NEBL: variants seen among roughly 807,000 people sequenced by gnomAD.
NEBL encodes LIM and SH3 protein 2.
A neutral mutation model predicts 140.2 loss-of-function variants in NEBL; 122 were observed. The observed-to-expected ratio is 0.87, with a 90% confidence interval of 0.75 to 1.01. NEBL has a LOEUF of 1.01. Among genes scored for constraint, NEBL ranks in the 50% least tolerant of loss-of-function variants. NEBL has a pLI of 0.00. For synonymous variants in NEBL, 436 were observed against 398.9 expected (o/e 1.09, Z -1.11); for missense variants, 1,365 against 1,231.3 (o/e 1.11, Z -1.62).
At chr10:21,039,032 T>C (rs1834135085) in intron 2 of NEBL, among the ~76,000 whole-genome samples, 2 of 151,814 alleles carry the variant, frequency 1.3e-5, no homozygotes, top group African/African-American at 2.4e-5. Context: ...GTTCTGTTCA[T>C]AGCCTTCGTC....
chr10:21,172,620 T>G (rs2132187846), intron 1 of NEBL: 1 of 670,220 alleles, frequency 1.5e-6, no homozygotes, highest in East Asian at 2.7e-5. Flanking sequence ...ACTGGGGATG[T>G]GTTTACCTAC....
intron 2 of NEBL, among the ~76,000 whole-genome samples, chr10:21,065,780 G>T (rs2131890467): frequency 6.6e-6 from 1 of 152,274 alleles, no homozygotes; most frequent in African/African-American, 2.4e-5. Flanking sequence ...TAGTAATGGT[G>T]CATCACCCTC....
At chr10:21,248,063 C>A in intron 2 of NEBL, 1 of 229,748 alleles carries the variant, frequency 4.4e-6, no homozygotes, top group Non-Finnish European at 9.9e-6. Context: ...GTCTGGACGG[C>A]ACCCTTTAAA....
At chr10:20,917,559 T>C (rs1406655705) in intron 4 of NEBL, among the ~76,000 whole-genome samples, 1 of 152,196 alleles carries the variant, frequency 6.6e-6, no homozygotes, top group Non-Finnish European at 1.5e-5. Context: ...ATGCATCACG[T>C]ACCTCATTTT....
chr10:21,079,992 A>G (rs1836293155), intron 2 of NEBL, among the ~76,000 whole-genome samples: 1 of 152,220 alleles, frequency 6.6e-6, no homozygotes, highest in Admixed American at 6.5e-5. Context: ...GTCTTACGCT[A>G]TTGCTTTGAA....
intron 2 of NEBL, among the ~76,000 whole-genome samples, chr10:21,114,203 T>C (rs1838174670): frequency 6.6e-6 from 1 of 152,120 alleles, no homozygotes; most frequent in Non-Finnish European, 1.5e-5. Context: ...TCAAGTGTGT[T>C]GTGTGGTTTC....
At chr10:21,164,713 C>T (rs1840692712) in intron 2 of NEBL, among the ~76,000 whole-genome samples, 1 of 152,186 alleles carries the variant, frequency 6.6e-6, no homozygotes, top group East Asian at 1.9e-4. Context: ...TACCAAAATG[C>T]ATTAGATGTT....
At chr10:21,219,860 GT>G (rs11333216) in intron 3 of NEBL, among the ~76,000 whole-genome samples, 31,444 of 128,780 alleles carry the variant, frequency 0.24, 5,763 homozygotes, top group African/African-American at 0.56. Flanking sequence ...ATTTTCTTGG[GT>G]TTTTTTTTTT....
chr10:20,897,124 C>A lies in NEBL; in HGVS notation c.81+1G>T. 6.3e-7 allele frequency: 1 copy of A among 1,595,100 alleles called. No individual in the cohort carries two copies. The highest frequency in any genetic ancestry group is 8.6e-7 in the Non-Finnish European group (1 of 1,162,774). Reference sequence around the variant, plus strand: ...GTCTGAGTATGTGTTTTCTCACTCACCTGGTCTTCTTCATTTTCTTCTTCC... The same window carrying A: ...GTCTGAGTATGTGTTTTCTCACTCAACTGGTCTTCTTCATTTTCTTCTTCC... On this transcript the variant is annotated splice_donor_variant, in intron 1 of 27. Transcript: ENST00000377122. LOFTEE classifies it high-confidence loss of function.
chr10:20,980,185 A>G (rs1233938790), intron 3 of NEBL, among the ~76,000 whole-genome samples: 1 of 152,172 alleles, frequency 6.6e-6, no homozygotes, highest in Non-Finnish European at 1.5e-5. Context: ...TAGCCTATAC[A>G]GAAGTATACA....
intron 9 of NEBL, 88 bp from the exon 10 acceptor site, chr10:20,852,737 G>T: frequency 8.8e-7 from 1 of 1,133,894 alleles, no homozygotes; most frequent in Non-Finnish European, 1.3e-6. Context: ...CACATTACAA[G>T]CCACCAAGAG....
At chr10:20,864,248 A>C (rs1844034156) in intron 7 of NEBL, among the ~76,000 whole-genome samples, 1 of 152,198 alleles carries the variant, frequency 6.6e-6, no homozygotes, top group Non-Finnish European at 1.5e-5. Flanking sequence ...TGACTTCAAC[A>C]GTTACTGTAC....
At chr10:21,117,104 T>A (rs1033580280) in intron 2 of NEBL, among the ~76,000 whole-genome samples, 3 of 152,110 alleles carry the variant, frequency 2.0e-5, no homozygotes, top group African/African-American at 7.2e-5. Flanking sequence ...AACCTGTTCC[T>A]TCCATGGCTT....
intron 2 of NEBL, among the ~76,000 whole-genome samples, chr10:21,057,281 C>T (rs913013004): frequency 6.6e-5 from 10 of 151,594 alleles, no homozygotes; most frequent in Non-Finnish European, 1.3e-4. Flanking sequence ...TGACTTTTGG[C>T]GGTAAGGCAG....
At position 21,268,161 on chromosome 10, in the gene NEBL, A is replaced by G. The variant is rs188320816; in HGVS notation, n.183-16333T>C. Among the ~76,000 whole-genome samples the G allele has an allele frequency of 2.5e-3, 388 of 152,254 alleles. 2 individuals are homozygous for G. Among genetic ancestry groups the G allele is most frequent in the Non-Finnish European group, 4.8e-3 (325 of 68,012 alleles). ...TGTGACCACTCAAAAGAGAGTGGAA[A>G]CTACAAAATCAAGACTGCGGCAACT... On this transcript the variant is annotated intron_variant and non_coding_transcript_variant, in intron 1 of 8. Transcript: ENST00000675702.
intron 4 of NEBL, among the ~76,000 whole-genome samples, chr10:20,884,275 C>G (rs768425817): frequency 1.3e-5 from 2 of 152,034 alleles, no homozygotes; most frequent in Non-Finnish European, 2.9e-5. Flanking sequence ...TGGAGTCTCA[C>G]TATGTTGCCC....
chr10:21,245,428 T>C (rs1842503422), intron 3 of NEBL, among the ~76,000 whole-genome samples: 1 of 152,248 alleles, frequency 6.6e-6, no homozygotes, highest in Non-Finnish European at 1.5e-5. Context: ...ATCTATCAAA[T>C]TAACTATTTA....
At chr10:21,185,799 C>T (rs1589320268) in intron 3 of NEBL, among the ~76,000 whole-genome samples, 1 of 152,246 alleles carries the variant, frequency 6.6e-6, no homozygotes, top group Non-Finnish European at 1.5e-5. Flanking sequence ...CGCCCTACCT[C>T]TTTCTGCCCC....
intron 2 of NEBL, among the ~76,000 whole-genome samples, chr10:21,147,636 C>A (rs536449067): frequency 1.3e-5 from 2 of 152,176 alleles, no homozygotes; most frequent in Non-Finnish European, 2.9e-5. Context: ...ATATTTACCA[C>A]GGTTCAAGCC....
Sources: allele counts gnomAD v4.1 joint callset (sites outside exome capture counted in the v4.1 genomes callset), GRCh38; gene constraint gnomAD v4.1.1; transcripts MANE v1.5; gene names NCBI Gene and HGNC (gene_info 2026-07-23, HGNC 2026-07-21).